The following PRKN variants were observed in gnomAD, a reference collection of about 807,000 sequenced individuals.
PRKN encodes the protein parkin RBR E3 ubiquitin protein ligase, also known as E3 ubiquitin-protein ligase parkin.
A neutral mutation model predicts 59.5 loss-of-function variants in PRKN; 56 were observed. The observed-to-expected ratio is 0.94, with a 90% CI of 0.76 to 1.18. The LOEUF (loss-of-function observed/expected upper bound fraction) is 1.18, where lower values mean the gene tolerates loss of function less well. Ranked by LOEUF, PRKN falls within the 50% of genes most tolerant of loss-of-function variation. PRKN has a pLI of 0.00. For synonymous variants in PRKN, 250 were observed against 222.1 expected (o/e 1.13, Z -1.12); for missense variants, 657 against 596.4 (o/e 1.10, Z -1.06).
chr6:162,422,138 C>T lies in PRKN; in HGVS notation c.171+21172G>A, dbSNP rs144465583. Among the ~76,000 whole-genome samples the T allele has an allele frequency of 3.8e-3, 580 of 152,260 alleles. 6 individuals carry two copies. The highest frequency in any genetic ancestry group is 0.013 in the African/African-American group (557 of 41,558). ...CATAATGGAAACAGTTACTAAGACA[C>T]CATGTATGTATGCTTTACTTGCTAA... On this transcript the variant is annotated intron_variant, in intron 2 of 11. Coordinates refer to ENST00000366898, the MANE Select transcript of PRKN (RefSeq NM_004562.3).
intron 2 of PRKN, among the ~76,000 whole-genome samples, chr6:162,387,449 G>C (rs1379172590): frequency 6.6e-6 from 1 of 151,410 alleles, no homozygotes; most frequent in Non-Finnish European, 1.5e-5. Context: ...GAGAAACAAC[G>C]ATAATAATTG....
At chr6:162,143,328 C>T (rs1178612244) in intron 4 of PRKN, among the ~76,000 whole-genome samples, 1 of 152,180 alleles carries the variant, frequency 6.6e-6, no homozygotes, top group African/African-American at 2.4e-5. Context: ...ATCAGCAATT[C>T]TCCTTTCTTC....
chr6:161,815,649 C>T (rs1443920217), intron 6 of PRKN, among the ~76,000 whole-genome samples: 1 of 152,220 alleles, frequency 6.6e-6, no homozygotes, highest in East Asian at 1.9e-4. Context: ...AGGAAGCAAG[C>T]GTGCTGAGTC....
At chr6:161,887,919 C>T (rs1473619448) in intron 6 of PRKN, among the ~76,000 whole-genome samples, 1 of 152,152 alleles carries the variant, frequency 6.6e-6, no homozygotes, top group Admixed American at 6.5e-5. Context: ...AATATTTCCA[C>T]TGTTTTATGA....
chr6:162,266,525 G>A (rs1292808780), intron 2 of PRKN: 2 of 152,112 alleles, frequency 1.3e-5, no homozygotes, highest in Non-Finnish European at 2.9e-5. Context: ...AGGAGTGAAT[G>A]AATCAATGAA....
intron 5 of PRKN, among the ~76,000 whole-genome samples, chr6:161,991,109 T>A (rs1781630452): frequency 6.6e-6 from 1 of 152,034 alleles, no homozygotes; most frequent in Admixed American, 6.5e-5. Flanking sequence ...GAGTGCTGAA[T>A]GAAAAAACAT....
chr6:161,362,624 C>T lies in PRKN; in HGVS notation c.1168-2419G>A, dbSNP rs909044457. 4.6e-5 allele frequency among the ~76,000 whole-genome samples: 7 copies of T among 152,166 alleles called. No homozygotes were observed. The highest frequency in any genetic ancestry group is 1.4e-4 in the African/African-American group (6 of 41,438). ...CTGAACATTCCTAACCATCAGGCCT[C>T]GGACACGAGGGTTGGTGAAAAGAAT... On this transcript the variant is annotated intron_variant, in intron 10 of 11. Transcript: ENST00000366898. This position sits in a 1 kb window ranked among gnomAD's most constrained non-coding sequence, Gnocchi z 5.2.
chr6:162,188,747 G>A (rs573663756), intron 4 of PRKN, among the ~76,000 whole-genome samples: 4 of 150,230 alleles, frequency 2.7e-5, no homozygotes, highest in African/African-American at 9.8e-5. Context: ...AACATTTGAA[G>A]AGCCTACAGG....
chr6:161,617,284 CT>C lies in PRKN; in HGVS notation c.872-47869del, dbSNP rs1389291377. 2.0e-5 allele frequency among the ~76,000 whole-genome samples: 3 copies of C among 152,078 alleles called. No individual in the cohort carries two copies. In the East Asian group the frequency reaches 5.8e-4, roughly 29 times the overall value. ...TTTTTCTTGTAAATTTGTTTAAGTT[CT>C]TTGTAGATTCTTGATAGTAGCCCTT... On this transcript the variant is annotated intron_variant, in intron 7 of 11. Transcript: ENST00000366898.
chr6:161,646,536 C>T (rs868095904), intron 7 of PRKN, among the ~76,000 whole-genome samples: 997 of 140,654 alleles, frequency 7.1e-3, no homozygotes, highest in African/African-American at 0.025. Flanking sequence ...ACTGCGTGTG[C>T]GTGCGTGGCG....
At chr6:161,661,310 T>C (rs1784535562) in intron 7 of PRKN, among the ~76,000 whole-genome samples, 1 of 152,152 alleles carries the variant, frequency 6.6e-6, no homozygotes, top group Non-Finnish European at 1.5e-5. Context: ...CCACACTCAC[T>C]GGGCCCTGGC....
intron 6 of PRKN, among the ~76,000 whole-genome samples, chr6:161,949,240 G>A (rs1784603): frequency 0.48 from 72,403 of 152,106 alleles, 17,352 homozygotes; most frequent in South Asian, 0.54. Context: ...GGCTGGGAGT[G>A]GTGGCTCACG....
intron 1 of PRKN, among the ~76,000 whole-genome samples, chr6:162,499,623 G>A (rs982193894): frequency 1.3e-5 from 2 of 152,202 alleles, no homozygotes; most frequent in Non-Finnish European, 2.9e-5. Flanking sequence ...AAGGTTGAAA[G>A]ACTTTTGGAA....
At chr6:161,943,873 AGCAGCCTGAGGGATTGGCCTGAGGAT>A (rs1779663554) in intron 6 of PRKN, among the ~76,000 whole-genome samples, 1 of 93,040 alleles carries the variant, frequency 1.1e-5, no homozygotes, top group South Asian at 3.2e-4. Context: ...AGCCTGAGGA[AGCAGCCTGAGGGATTGGCCTGAGGAT>A]GCAGCCTGAG....
At chr6:162,674,654 T>C (rs1779468056) in intron 1 of PRKN, among the ~76,000 whole-genome samples, 1 of 152,164 alleles carries the variant, frequency 6.6e-6, no homozygotes, top group Non-Finnish European at 1.5e-5. Flanking sequence ...ATTTGGACTT[T>C]AACAAGTAAG....
At position 161,463,360 on chromosome 6, in the gene PRKN, T is replaced by G. The variant is rs1435613610; in HGVS notation, c.1084-76483A>C. 6.6e-6 allele frequency among the ~76,000 whole-genome samples: 1 copy of G among 152,230 alleles called. No individual in the cohort carries two copies. The highest frequency in any genetic ancestry group is 1.5e-5 in the Non-Finnish European group (1 of 68,040). ...CTGGCTTATCCTTACTGATCCTGCC[T>G]AACTGGCTCTTGAATCATGTTTTCC... On this transcript the variant is annotated intron_variant, in intron 9 of 11. Transcript: ENST00000366898. This position sits in a 1 kb window ranked among gnomAD's most constrained non-coding sequence, Gnocchi z 4.8.
chr6:162,210,793 C>G (rs373563285), intron 3 of PRKN, among the ~76,000 whole-genome samples: 1 of 151,766 alleles, frequency 6.6e-6, no homozygotes, highest in Non-Finnish European at 1.5e-5. Flanking sequence ...TGATCTAGTC[C>G]AGTTGATAAA....
intron 5 of PRKN, among the ~76,000 whole-genome samples, chr6:162,016,119 A>T (rs1782923846): frequency 6.7e-6 from 1 of 148,578 alleles, no homozygotes; most frequent in Non-Finnish European, 1.5e-5. Flanking sequence ...CCAAAGAAAT[A>T]AAAGGTGGGA....
At chr6:161,621,828 AC>A (rs1782912046) in intron 7 of PRKN, among the ~76,000 whole-genome samples, 2 of 152,160 alleles carry the variant, frequency 1.3e-5, no homozygotes, top group Admixed American at 1.3e-4. Flanking sequence ...GAGGAAGGAG[AC>A]GTGCTCTACA....
Sources: allele counts gnomAD v4.1 joint callset (sites outside exome capture counted in the v4.1 genomes callset), GRCh38; gene constraint gnomAD v4.1.1; non-coding constraint Gnocchi (gnomAD v3.1); transcripts MANE v1.5; gene names NCBI Gene and HGNC (gene_info 2026-07-23, HGNC 2026-07-21).